The following WNK1 variants were observed in gnomAD, a reference collection of about 807,000 sequenced individuals.
WNK1 encodes the protein serine/threonine-protein kinase WNK1.
Under a neutral mutation model 222.8 loss-of-function variants are expected in WNK1, and 38 were observed. That is an observed-to-expected ratio of 0.17 (90% CI 0.13 to 0.22). The LOEUF is 0.22. Ranked by LOEUF, WNK1 falls within the 10% of genes least tolerant of loss-of-function variation. WNK1 has a pLI of 1.00. For synonymous variants in WNK1, 1,090 were observed against 1,092.9 expected, an observed-to-expected ratio of 1.00 and a Z score of 0.05; for missense variants, 2,348 against 2,918.4, an observed-to-expected ratio of 0.80 and a Z score of 4.50.
Position 868,797 on chromosome 12 carries a change from A to T in WNK1, c.2140-2468A>T, listed in dbSNP as rs1318928413. 5 of 1,614,036 alleles carry T rather than the reference A, an allele frequency of 3.1e-6. No homozygotes were observed. Among genetic ancestry groups the T allele is most frequent in the Non-Finnish European group, 4.2e-6 (5 of 1,179,894 alleles). ...CAGCCTGTGACTGAAGAAAAGCATAATTACCATGCCCCAGAATTGACCGTT... is the reference window on the plus strand; with the variant it reads ...CAGCCTGTGACTGAAGAAAAGCATATTTACCATGCCCCAGAATTGACCGTT... On this transcript the variant is annotated intron_variant, in intron 8 of 27. Transcript: ENST00000315939.
At chr12:755,392 G>GTT (rs1939847804) in intron 1 of WNK1, among the ~76,000 whole-genome samples, 1 of 152,178 alleles carries the variant, frequency 6.6e-6, no homozygotes, top group Non-Finnish European at 1.5e-5. Context: ...TTTTATCCAT[G>GTT]AACTAATATG....
intron 4 of WNK1, among the ~76,000 whole-genome samples, chr12:856,308 G>A (rs1950786514): frequency 6.6e-6 from 1 of 151,656 alleles, no homozygotes; most frequent in African/African-American, 2.4e-5. Context: ...ACAAAAATTA[G>A]CTGGGCATGG....
chr12:757,941 A>G (rs1250985071), intron 1 of WNK1, among the ~76,000 whole-genome samples: 1 of 145,118 alleles, frequency 6.9e-6, no homozygotes, highest in Non-Finnish European at 1.5e-5. Flanking sequence ...AGGCTGAGGC[A>G]GGAGAATTGT....
At chr12:773,968 AT>A (rs919076247) in intron 1 of WNK1, among the ~76,000 whole-genome samples, 62 of 152,122 alleles carry the variant, frequency 4.1e-4, no homozygotes, top group African/African-American at 1.4e-3. Context: ...TTTCTGTTTT[AT>A]GAAAACCAAA....
intron 1 of WNK1, among the ~76,000 whole-genome samples, chr12:764,146 T>G (rs1039955455): frequency 2.0e-5 from 3 of 146,440 alleles, no homozygotes; most frequent in East Asian, 2.0e-4. Context: ...TATGAAGAGA[T>G]AGAAAAATTA....
intron 9 of WNK1, among the ~76,000 whole-genome samples, chr12:875,798 T>C (rs1952557273): frequency 6.6e-6 from 1 of 152,194 alleles, no homozygotes; most frequent in Non-Finnish European, 1.5e-5. Context: ...TTTACCTATG[T>C]AGAGTTTGGG....
intron 1 of WNK1, among the ~76,000 whole-genome samples, chr12:768,426 A>G (rs1942047471): frequency 6.6e-6 from 1 of 151,976 alleles, no homozygotes; most frequent in Non-Finnish European, 1.5e-5. Context: ...GTGAGCTACC[A>G]TGCCCGGCCT....
intron 24 of WNK1, 97 bp from the exon 25 acceptor site, chr12:897,382 C>T: frequency 1.2e-6 from 1 of 835,926 alleles, no homozygotes; most frequent in South Asian, 1.4e-5. Context: ...TTAGTAACTA[C>T]TACATACTTG....
intron 4 of WNK1, among the ~76,000 whole-genome samples, chr12:843,904 CT>C (rs1389762736): frequency 1.3e-5 from 2 of 152,162 alleles, no homozygotes; most frequent in East Asian, 3.9e-4. Context: ...CCCTTAAGGT[CT>C]TTTTCAGTTC....
chr12:858,107 A>G (rs1950924820), intron 5 of WNK1, among the ~76,000 whole-genome samples: 1 of 152,038 alleles, frequency 6.6e-6, no homozygotes, highest in Non-Finnish European at 1.5e-5. Flanking sequence ...GTAAAAATTT[A>G]GTTTGAGTTT....
intron 26 of WNK1, among the ~76,000 whole-genome samples, chr12:901,913 A>G (rs1955293787): frequency 6.6e-6 from 1 of 152,136 alleles, no homozygotes; most frequent in Non-Finnish European, 1.5e-5. Context: ...TGGATATGGT[A>G]TCTAGGCAAT....
intron 1 of WNK1, among the ~76,000 whole-genome samples, chr12:790,097 G>C (rs1944692862): frequency 6.6e-6 from 1 of 152,178 alleles, no homozygotes. Context: ...AAGGAGGAGG[G>C]GGTTTGGGAA....
chr12:870,231 G>A (rs17800828), intron 8 of WNK1, among the ~76,000 whole-genome samples: 2,328 of 152,290 alleles, frequency 0.015, 29 homozygotes, highest in South Asian at 0.073. Context: ...AGATCCAGAA[G>A]CTTGACAGCT....
At chr12:867,059 G>A (rs955758614) in intron 8 of WNK1, among the ~76,000 whole-genome samples, 84 of 152,202 alleles carry the variant, frequency 5.5e-4, no homozygotes, top group African/African-American at 2.0e-3. Context: ...GGAGGCGGAG[G>A]TTGCAGTAAG....
In WNK1 at chr12:883,588, A is replaced by G; in HGVS notation, c.3663+20A>G. On this transcript the variant is annotated intron_variant, in intron 16 of 27. Coordinates refer to ENST00000315939, the MANE Select transcript of WNK1 (RefSeq NM_018979.4). ...TCTCAGGTAGGTTCACCACTCCCAT[A>G]GTGAAACTTTGTTGATTTAAAATAT... is the stretch of plus-strand genomic sequence containing the variant. 1 of 1,614,074 alleles carries G rather than the reference A, an allele frequency of 6.2e-7. No individual in the cohort carries two copies. Among genetic ancestry groups the G allele is most frequent in the Non-Finnish European group, 8.5e-7 (1 of 1,179,914 alleles).
intron 2 of WNK1, among the ~76,000 whole-genome samples, chr12:817,663 G>A (rs564578880): frequency 6.6e-6 from 1 of 152,160 alleles, no homozygotes; most frequent in Non-Finnish European, 1.5e-5. Context: ...TTAAGGCCAG[G>A]CGTGGTAGTT....
chr12:888,989 AAATT>A, intron 20 of WNK1, 147 bp from the exon 21 acceptor site: 1 of 722,180 alleles, frequency 1.4e-6, no homozygotes, highest in East Asian at 2.7e-5. Context: ...GCAGTACACT[AAATT>A]TGAGTATAGT....
At chr12:906,628 G>A in intron 26 of WNK1, 1 of 985,262 alleles carries the variant, frequency 1.0e-6, no homozygotes, top group Non-Finnish European at 1.2e-6. Context: ...TTTACTCATG[G>A]GAAATTGGGA....
At chr12:899,293 TC>T (rs1453272439) in intron 25 of WNK1, among the ~76,000 whole-genome samples, 1 of 131,452 alleles carries the variant, frequency 7.6e-6, no homozygotes, top group African/African-American at 2.9e-5. Flanking sequence ...CTGATCCCAA[TC>T]AGATCTTTTT....
Sources: allele counts gnomAD v4.1 joint callset (sites outside exome capture counted in the v4.1 genomes callset), GRCh38; gene constraint gnomAD v4.1.1; transcripts MANE v1.5; gene names NCBI Gene and HGNC (gene_info 2026-07-23, HGNC 2026-07-21).